The following ASB16 variants were observed in gnomAD, a reference collection of about 807,000 sequenced individuals.
ASB16 encodes the protein ankyrin repeat and SOCS box protein 16.
ASB16 carries 44 observed loss-of-function variants against 39.1 expected under a neutral mutation model. The ratio of observed to expected loss-of-function variants is 1.13; its 90% confidence interval spans 0.88 to 1.45. ASB16 has a LOEUF of 1.45. ASB16 is among the 40% of genes most tolerant of loss of function. The pLI is 0.00. For synonymous variants in ASB16, 305 were observed against 286.7 expected, an observed-to-expected ratio of 1.06 and a Z score of -0.64; for missense variants, 698 against 634.5, an observed-to-expected ratio of 1.10 and a Z score of -1.07.
chr17:44,177,280 G>C, intron 3 of ASB16, 50 bp downstream of exon 3: 3 of 1,478,062 alleles, frequency 2.0e-6, no homozygotes, highest in Non-Finnish European at 2.7e-6. Flanking sequence ...GGGAGCCCGC[G>C]GCTGGAACTG....
Position 44,178,228 on chromosome 17 carries a change from G to A in ASB16, c.1200G>A (p.Ser400=), listed in dbSNP as rs754202943. The A allele has an allele frequency of 3.9e-5, 63 of 1,613,218 alleles. No homozygotes were observed. The highest frequency in any genetic ancestry group is 1.1e-4 in the East Asian group (5 of 44,886). Residue 400 remains serine, a synonymous_variant, in exon 5 of 5, where the codon TCG becomes TCA. Coordinates refer to ENST00000293414, the MANE Select transcript of ASB16 (RefSeq NM_080863.5). ...AGGAGCACGAAGCCTTCTACAGCTCGGCCCTGTGCATGGTGAACCAGCCAA... is the reference window on the plus strand; with the variant it reads ...AGGAGCACGAAGCCTTCTACAGCTCAGCCCTGTGCATGGTGAACCAGCCAA... The part of the protein sequence containing the change: ...LWKEHEAFYS[S]ALCMVNQPRQ...
At position 44,172,720 on chromosome 17, in the gene ASB16, G is replaced by C. The variant is rs561130379; in HGVS notation, c.569+407G>C. Reference sequence around the variant, plus strand: ...AGCTCACTGCAACCTCTGCCTCCTGGGTTCAAATGCCTCAGCCTCCCAAGT... The same window carrying C: ...AGCTCACTGCAACCTCTGCCTCCTGCGTTCAAATGCCTCAGCCTCCCAAGT... On this transcript the variant is annotated intron_variant, in intron 2 of 4. Transcript: ENST00000293414. 3.9e-5 allele frequency among the ~76,000 whole-genome samples: 4 copies of C among 103,888 alleles called. No individual in the cohort carries two copies. In the East Asian group the frequency reaches 1.5e-3, roughly 40 times the overall value. 68.2% of individuals were successfully genotyped at this position (103,888 alleles called of 152,430 possible).
At chr17:44,178,093 C>A in intron 4 of ASB16, 112 bp from the exon 5 acceptor site, 3 of 1,121,026 alleles carry the variant, frequency 2.7e-6, no homozygotes, top group Non-Finnish European at 3.9e-6. Context: ...TCCTTTGAGA[C>A]ACATGAAACA....
At position 44,172,267 on chromosome 17, in the gene ASB16, G is replaced by A. The variant is rs370313213; in HGVS notation, c.523G>A (p.Glu175Lys). 3.5e-5 allele frequency: 57 copies of A among 1,613,678 alleles called. No homozygotes were observed. The highest frequency in any genetic ancestry group is 4.4e-5 in the Non-Finnish European group (52 of 1,180,060). ...AGCCAAGGCTAATGTGCTGACTGAG[G>A]AGGGCACGACTCCTTTGCACCTCTG... The part of the protein sequence containing the change: ...FGAKANVLTE[E>K]GTTPLHLCTI... Residue 175 changes from glutamate to lysine, a missense_variant, in exon 2 of 5, where the codon GAG becomes AAG. Glu to Lys is a moderately conservative substitution (Grantham distance 56, BLOSUM62 1). Coordinates refer to ENST00000293414, the MANE Select transcript of ASB16 (RefSeq NM_080863.5).
In ASB16 at chr17:44,172,198, G is replaced by T; in HGVS notation, c.454G>T (p.Ala152Ser). Residue 152 changes from alanine to serine, a missense_variant, in exon 2 of 5, where the codon GCC becomes TCC. Ala to Ser is a moderately conservative substitution (Grantham distance 99, BLOSUM62 1). Transcript: ENST00000293414. ...GGRAALHEAC[A>S]RAQFDCVRLL... ...TCGCGCTGCCTTGCATGAGGCCTGT[G>T]CCCGAGCCCAGTTTGACTGTGTGCG... 1 of 1,613,446 alleles carries T rather than the reference G, an allele frequency of 6.2e-7. No homozygotes were observed.
rs904076250 is a variant in ASB16 at position 44,178,373 on chromosome 17, G to A, written c.1345G>A (p.Glu449Lys). ...CAGGGACTACCTGCTGCTGCGTGTG[G>A]AGGGGTGCATCCAGTGAACCCCATG... Reference protein sequence around the residue: ...LLRDYLLLRVEGCIQ With the variant: ...LLRDYLLLRVKGCIQ Residue 449 changes from glutamate (E) to lysine (K), a missense_variant, in exon 5 of 5, where the codon GAG (glutamate) becomes AAG (lysine). Physicochemically the swap from Glu to Lys is moderately conservative, Grantham distance 56. Transcript: ENST00000293414. The A allele has an allele frequency of 6.2e-7, 1 of 1,603,850 alleles. No homozygotes were observed. The highest frequency in any genetic ancestry group is 8.5e-7 in the Non-Finnish European group (1 of 1,174,814).
intron 2 of ASB16, among the ~76,000 whole-genome samples, chr17:44,174,037 A>ATTTT (rs1157730462): frequency 1.7e-5 from 2 of 114,716 alleles, no homozygotes; most frequent in Non-Finnish European, 3.5e-5. Context: ...ACACCTGGCT[A>ATTTT]TTTTTTTTTT....
rs1253056391 is a variant in ASB16, at chr17:44,171,024, G to GA, written c.236dup (p.Asp79GlufsTer2). On this transcript the variant is annotated frameshift_variant, in exon 1 of 5. Coordinates refer to ENST00000293414, the MANE Select transcript of ASB16 (RefSeq NM_080863.5). LOFTEE classifies it high-confidence loss of function. The stretch of plus-strand genomic sequence containing the variant: ...GCAGCAGGTCCAAGCCCTGTTCCAA[G>GA]ATGAAGAGGCCGCCAACATGATTGT... The GA allele has an allele frequency of 5.0e-6, 8 of 1,613,962 alleles. No individual in the cohort carries two copies. Among genetic ancestry groups the GA allele is most frequent in the Non-Finnish European group, 5.9e-6 (7 of 1,180,036 alleles).
chr17:44,173,999 G>A (rs2054264652), intron 2 of ASB16, among the ~76,000 whole-genome samples: 1 of 151,346 alleles, frequency 6.6e-6, no homozygotes, highest in Non-Finnish European at 1.5e-5. Flanking sequence ...AGCTTCCAGG[G>A]TAGCCGGAAT....
At chr17:44,174,108 C>T (rs184641624) in intron 2 of ASB16, among the ~76,000 whole-genome samples, 89 of 146,222 alleles carry the variant, frequency 6.1e-4, no homozygotes, top group Non-Finnish European at 9.8e-4. Context: ...GGCCCGATCT[C>T]GGCTCACTGC....
Position 44,177,241 on chromosome 17 carries a change from A to G in ASB16, c.1062+11A>G. Reference sequence around the variant, plus strand: ...CCAGTGCGCCCTGAGGTGCGCTGGGAGGCCCTGACATAGGAGGCTCCTGTG... The same window carrying G: ...CCAGTGCGCCCTGAGGTGCGCTGGGGGGCCCTGACATAGGAGGCTCCTGTG... On this transcript the variant is annotated intron_variant, in intron 3 of 4. Transcript: ENST00000293414. The G allele has an allele frequency of 6.5e-7, 1 of 1,527,834 alleles. No homozygotes were observed. 94.6% of individuals were successfully genotyped at this position (1,527,834 alleles called of 1,614,324 possible).
intron 2 of ASB16, among the ~76,000 whole-genome samples, chr17:44,174,597 A>G (rs1013971787): frequency 3.9e-5 from 6 of 152,130 alleles, no homozygotes; most frequent in African/African-American, 1.4e-4. Flanking sequence ...TAAGGATTCA[A>G]GGGCTTCTGG....
At chr17:44,178,154 C>T (rs2054327472) in intron 4 of ASB16, 51 bp from the exon 5 acceptor site, 1 of 1,599,254 alleles carries the variant, frequency 6.3e-7, no homozygotes, top group African/African-American at 1.3e-5. Flanking sequence ...GCTGGGTTGC[C>T]CCCAGATGGT....
intron 2 of ASB16, among the ~76,000 whole-genome samples, chr17:44,175,444 C>CAA (rs2054280379): frequency 9.6e-6 from 1 of 104,138 alleles, no homozygotes; most frequent in African/African-American, 3.5e-5. Flanking sequence ...TATTTGGAAA[C>CAA]AAAAATTAGC....
intron 2 of ASB16, among the ~76,000 whole-genome samples, chr17:44,172,840 C>T (rs2054253751): frequency 6.7e-6 from 1 of 149,278 alleles, no homozygotes; most frequent in African/African-American, 2.5e-5. Context: ...TGGTCTTGAA[C>T]TCCTGTCCTC....
At position 44,170,984 on chromosome 17, in the gene ASB16, C is replaced by T. The variant is rs544986778; in HGVS notation, c.195C>T (p.Leu65=). 11 of 1,614,026 alleles carry T rather than the reference C, an allele frequency of 6.8e-6. No homozygotes were observed. The highest frequency in any genetic ancestry group is 1.3e-5 in the African/African-American group (1 of 75,062). The change falls in exon 1 of 5, where the codon CTC becomes CTT. Residue 65 remains leucine (L), a synonymous_variant. Transcript: ENST00000293414. ...SCRDPAVHQA[L]FSGNLQQVQA... is the part of the protein sequence containing the mutation. Reference sequence around the variant, plus strand: ...GAGACCCAGCTGTCCACCAAGCCCTCTTCTCCGGCAACCTGCAGCAGGTCC... The same window carrying T: ...GAGACCCAGCTGTCCACCAAGCCCTTTTCTCCGGCAACCTGCAGCAGGTCC...
intron 1 of ASB16, 149 bp from the exon 2 acceptor site, chr17:44,171,897 C>T (rs1403484075): frequency 9.4e-6 from 7 of 746,612 alleles, no homozygotes; most frequent in African/African-American, 1.8e-5. Flanking sequence ...TGAATAAGCC[C>T]CCTTCCACAG....
chr17:44,176,378 A>C, intron 2 of ASB16: 1 of 272,426 alleles, frequency 3.7e-6, no homozygotes, highest in Non-Finnish European at 6.9e-6. Flanking sequence ...AAAAAAAAGG[A>C]GACAACTGAC....
At position 44,176,915 on chromosome 17, in the gene ASB16, G is replaced by C; in HGVS notation, c.747G>C (p.Thr249=). ...GCCAGGGCGAGACTGCGCTGAACAC[G>C]GCGTGCGCTGGGGCCGAGGGCCCAG... The part of the protein sequence containing the change: ...RTSQGETALN[T]ACAGAEGPGS... The change falls in exon 3 of 5, where the codon ACG becomes ACC. Residue 249 remains threonine, a synonymous_variant. Transcript: ENST00000293414. 6.4e-7 allele frequency: 1 copy of C among 1,562,728 alleles called. No homozygotes were observed.
Sources: allele counts gnomAD v4.1 joint callset (sites outside exome capture counted in the v4.1 genomes callset), GRCh38; gene constraint gnomAD v4.1.1; transcripts MANE v1.5; gene names NCBI Gene and HGNC (gene_info 2026-07-23, HGNC 2026-07-21).